Variants in CPNE8 observed in about 807,000 individuals in gnomAD.
The protein encoded by CPNE8 is copine 8.
CPNE8 carries 45 observed loss-of-function variants against 81.5 expected under a neutral mutation model. That is an observed-to-expected ratio of 0.55 (90% CI 0.44 to 0.71). CPNE8 has a LOEUF of 0.71. Ranked by LOEUF, CPNE8 falls within the 30% of genes least tolerant of loss-of-function variation. The pLI, the probability that CPNE8 is intolerant of heterozygous loss-of-function variation, is 0.00. For synonymous variants in CPNE8, 252 were observed against 226.3 expected, an observed-to-expected ratio of 1.11 and a Z score of -1.02; for missense variants, 594 against 672.1, an observed-to-expected ratio of 0.88 and a Z score of 1.28.
Position 38,723,834 on chromosome 12 carries a change from C to T in CPNE8, c.853-1G>A. ...CTACCAAGAAAGAGAGTAAAGTTACCTGAAAAAGAAAAAGACAGAATTACC... is the reference window on the plus strand; with the variant it reads ...CTACCAAGAAAGAGAGTAAAGTTACTTGAAAAAGAAAAAGACAGAATTACC... On this transcript the variant is annotated splice_acceptor_variant, in intron 12 of 19. Coordinates refer to ENST00000331366, the MANE Select transcript of CPNE8 (RefSeq NM_153634.3). LOFTEE classifies it high-confidence loss of function. The T allele has an allele frequency of 6.4e-7, 1 of 1,561,424 alleles. No homozygotes were observed. Among genetic ancestry groups the T allele is most frequent in the Non-Finnish European group, 8.8e-7 (1 of 1,135,936 alleles).
At chr12:38,783,492 G>GTATTGAACTCAGTGCTGCCCTGTTA (rs1942100097) in intron 6 of CPNE8, among the ~76,000 whole-genome samples, 1 of 152,152 alleles carries the variant, frequency 6.6e-6, no homozygotes, top group African/African-American at 2.4e-5. Flanking sequence ...CAATGGTGAG[G>GTATTGAACTCAGTGCTGCCCTGTTA]TATTGAACTC....
intron 1 of CPNE8, among the ~76,000 whole-genome samples, chr12:38,883,424 A>G (rs1327572346): frequency 6.6e-6 from 1 of 152,244 alleles, no homozygotes; most frequent in East Asian, 1.9e-4. Context: ...AAAGAGAAAA[A>G]TTAAATTACT....
intron 15 of CPNE8, among the ~76,000 whole-genome samples, chr12:38,686,838 T>C (rs1939545595): frequency 6.6e-6 from 1 of 152,124 alleles, no homozygotes; most frequent in Non-Finnish European, 1.5e-5. Context: ...GATTGAGTGA[T>C]CCCAGAGAAA....
At chr12:38,720,590 GAT>G (rs1940536286) in intron 13 of CPNE8, 1 of 106,298 alleles carries the variant, frequency 9.4e-6, no homozygotes, top group Non-Finnish European at 2.0e-5. Context: ...AATATAACCA[GAT>G]ATATCAAGTA....
chr12:38,905,252 G>T (rs1487824701), intron 1 of CPNE8, among the ~76,000 whole-genome samples, 185 bp downstream of exon 1: 1 of 152,146 alleles, frequency 6.6e-6, no homozygotes, highest in Admixed American at 6.5e-5. Context: ...GGAGCCCACC[G>T]CTTCTAATTC....
intron 19 of CPNE8, among the ~76,000 whole-genome samples, chr12:38,659,756 C>G (rs1287508196): frequency 6.6e-6 from 1 of 152,158 alleles, no homozygotes; most frequent in Non-Finnish European, 1.5e-5. Context: ...CTCAAAACCG[C>G]ACAACTATAC....
intron 6 of CPNE8, among the ~76,000 whole-genome samples, chr12:38,778,901 C>G (rs202052393): frequency 2.0e-5 from 3 of 152,180 alleles, no homozygotes; most frequent in Non-Finnish European, 4.4e-5. Flanking sequence ...TTACTCTTAA[C>G]CAGGGTCATT....
chr12:38,865,670 T>C (rs1943903118), intron 3 of CPNE8, among the ~76,000 whole-genome samples: 1 of 152,200 alleles, frequency 6.6e-6, no homozygotes, highest in Admixed American at 6.5e-5. Context: ...TTCATCTAGA[T>C]GATGGTTACC....
chr12:38,676,673 T>C (rs11169087), intron 17 of CPNE8, among the ~76,000 whole-genome samples: 95,272 of 152,118 alleles, frequency 0.63, 36,717 homozygotes, highest in Non-Finnish European at 0.88. Flanking sequence ...CCATATAATA[T>C]ATCACATATC....
rs1938717128 is a variant in CPNE8 at position 38,652,278 on chromosome 12, T to C, written c.*1604A>G. 6.6e-6 allele frequency: 1 copy of C among 152,284 alleles called. No individual in the cohort carries two copies. Among genetic ancestry groups the C allele is most frequent in the Admixed American group, 6.5e-5 (1 of 15,276 alleles). 9.4% of individuals were successfully genotyped at this position (152,284 alleles called of 1,614,324 possible). A position where few individuals can be genotyped will look rare whatever the true frequency, so the allele number is the denominator to read the frequency against. Reference sequence around the variant, plus strand: ...TTAAAAATCTGTAGGTAATACACTGTAGTGGCATAAATATTTAAGATCAGT... The same window carrying C: ...TTAAAAATCTGTAGGTAATACACTGCAGTGGCATAAATATTTAAGATCAGT... On this transcript the variant is annotated 3_prime_UTR_variant, in exon 20 of 20. Transcript: ENST00000331366.
chr12:38,670,628 G>T, intron 19 of CPNE8, 101 bp downstream of exon 19: 1 of 707,190 alleles, frequency 1.4e-6, no homozygotes, highest in Non-Finnish European at 2.3e-6. Context: ...AAATAGAAAA[G>T]CATCATTAAA....
Position 38,669,341 on chromosome 12 carries a change from T to C in CPNE8, c.1506+1388A>G, listed in dbSNP as rs190255797. Among the ~76,000 whole-genome samples the C allele has an allele frequency of 2.1e-3, 326 of 152,294 alleles. 1 individual carries two copies. The highest frequency in any genetic ancestry group is 3.7e-3 in the Non-Finnish European group (249 of 68,010). On this transcript the variant is annotated intron_variant, in intron 19 of 19. Transcript: ENST00000331366. ...CTCTTTATATTATCATACTAACAGA[T>C]TACTTTATATTATTACTTCCTCAAA...
chr12:38,723,816 G>A lies in CPNE8; in HGVS notation c.870C>T (p.Phe290=). ...GGAATGAAACTTCTGTTTCTACCAA[G>A]AAAGAGAGTAAAGTTACCTGAAAAA... is the stretch of plus-strand genomic sequence containing the variant. The part of the protein sequence containing the change: ...TNSGTVTLLS[F]LVETEVSFLD... Residue 290 remains phenylalanine, a synonymous_variant, in exon 13 of 20, where the codon TTC becomes TTT. Coordinates refer to ENST00000331366, the MANE Select transcript of CPNE8 (RefSeq NM_153634.3). 2 of 1,584,556 alleles carry A rather than the reference G, an allele frequency of 1.3e-6. No homozygotes were observed. The highest frequency in any genetic ancestry group is 1.7e-4 in the Middle Eastern group (1 of 5,998).
At chr12:38,805,775 A>G (rs1377782450) in intron 6 of CPNE8, among the ~76,000 whole-genome samples, 10 of 149,526 alleles carry the variant, frequency 6.7e-5, no homozygotes, top group Admixed American at 6.7e-4. Flanking sequence ...TGAAGGAAAT[A>G]GAGACACAAA....
At chr12:38,806,285 G>T (rs1187915280) in intron 6 of CPNE8, among the ~76,000 whole-genome samples, 1 of 150,040 alleles carries the variant, frequency 6.7e-6, no homozygotes, top group Admixed American at 6.6e-5. Flanking sequence ...CCAAAGCCAG[G>T]CAGAGACACA....
chr12:38,882,560 C>T (rs1196631998), intron 1 of CPNE8, among the ~76,000 whole-genome samples: 1 of 152,150 alleles, frequency 6.6e-6, no homozygotes, highest in Non-Finnish European at 1.5e-5. Flanking sequence ...ACTGTCCAAC[C>T]TCTCCTCCAA....
chr12:38,663,856 T>A (rs779719017), intron 19 of CPNE8, among the ~76,000 whole-genome samples: 1 of 152,078 alleles, frequency 6.6e-6, no homozygotes, highest in Non-Finnish European at 1.5e-5. Flanking sequence ...CTATGTTAAC[T>A]GAAATAAGCC....
At chr12:38,669,028 T>C (rs956954890) in intron 19 of CPNE8, among the ~76,000 whole-genome samples, 1 of 149,216 alleles carries the variant, frequency 6.7e-6, no homozygotes, top group Non-Finnish European at 1.5e-5. Flanking sequence ...CACTCCAGCC[T>C]GGGCAACAGC....
At chr12:38,671,951 C>T (rs11836528) in intron 18 of CPNE8, among the ~76,000 whole-genome samples, 3,359 of 152,050 alleles carry the variant, frequency 0.022, 122 homozygotes, top group African/African-American at 0.076. Flanking sequence ...ATAATTATCC[C>T]AATGCAGAAG....
Sources: allele counts gnomAD v4.1 joint callset (sites outside exome capture counted in the v4.1 genomes callset), GRCh38; gene constraint gnomAD v4.1.1; transcripts MANE v1.5; gene names NCBI Gene and HGNC (gene_info 2026-07-23, HGNC 2026-07-21).